The following EPB41L2 variants were observed in gnomAD, a reference collection of about 807,000 sequenced individuals.
The protein encoded by EPB41L2 is erythrocyte membrane protein band 4.1 like 2, also known as band 4.1-like protein 2.
In EPB41L2, 43 loss-of-function variants were observed where a neutral mutation model predicts 113.0. The observed-to-expected ratio is 0.38, with a 90% CI of 0.30 to 0.49. The LOEUF (loss-of-function observed/expected upper bound fraction) is 0.49, where lower values mean the gene tolerates loss of function less well. Ranked by LOEUF, EPB41L2 falls within the 20% of genes least tolerant of loss-of-function variation. The pLI, the probability that EPB41L2 is intolerant of heterozygous loss-of-function variation, is 0.95. For missense variants in EPB41L2, 1,147 were observed against 1,223.4 expected, an observed-to-expected ratio of 0.94 and a Z score of 0.93; for synonymous variants, 442 against 436.7, an observed-to-expected ratio of 1.01 and a Z score of -0.15.
At chr6:130,932,833 A>G (rs7766004) in intron 3 of EPB41L2, among the ~76,000 whole-genome samples, 115,521 of 152,198 alleles carry the variant, frequency 0.76, 44,205 homozygotes, top group East Asian at 1. Flanking sequence ...CCATAAGGCC[A>G]GTCAAAAAGT....
At chr6:131,035,178 G>T (rs1793040034) in intron 1 of EPB41L2, among the ~76,000 whole-genome samples, 2 of 152,182 alleles carry the variant, frequency 1.3e-5, no homozygotes, top group African/African-American at 2.4e-5. Context: ...CTCTTGTTGT[G>T]AGACAGTTTC....
chr6:130,879,923 T>C (rs1452587978), intron 13 of EPB41L2, among the ~76,000 whole-genome samples: 1 of 152,216 alleles, frequency 6.6e-6, no homozygotes. Flanking sequence ...TAAACTTTTT[T>C]TTCCCACTTG....
chr6:130,926,997 A>G (rs192036405), intron 3 of EPB41L2, among the ~76,000 whole-genome samples: 6 of 152,290 alleles, frequency 3.9e-5, no homozygotes, highest in African/African-American at 1.4e-4. Context: ...TTAGCTGTTC[A>G]TTTTCTTATT....
At chr6:130,994,968 C>G (rs1405157128) in intron 1 of EPB41L2, among the ~76,000 whole-genome samples, 3 of 149,402 alleles carry the variant, frequency 2.0e-5, no homozygotes, top group African/African-American at 7.7e-5. Context: ...TCAAGTTGTC[C>G]CACCCCACCT....
chr6:131,029,897 TTTTTTC>T (rs1274469626), intron 1 of EPB41L2, among the ~76,000 whole-genome samples: 6 of 151,786 alleles, frequency 4.0e-5, no homozygotes, highest in African/African-American at 1.5e-4. Flanking sequence ...ATTTTTCTCT[TTTTTTC>T]TTTTTTTTTT....
intron 10 of EPB41L2, among the ~76,000 whole-genome samples, chr6:130,890,971 G>A (rs561640062): frequency 4.2e-4 from 64 of 152,262 alleles, no homozygotes; most frequent in African/African-American, 1.4e-3. Context: ...CTTCTTGCCA[G>A]CACAATTCTA....
chr6:130,898,882 G>C (rs890050514), intron 8 of EPB41L2, among the ~76,000 whole-genome samples: 4 of 151,814 alleles, frequency 2.6e-5, no homozygotes, highest in African/African-American at 9.7e-5. Flanking sequence ...TTGGGATTAC[G>C]GTGTTCAGGA....
At chr6:131,015,518 G>A (rs1434446091) in intron 1 of EPB41L2, among the ~76,000 whole-genome samples, 2 of 152,192 alleles carry the variant, frequency 1.3e-5, no homozygotes, top group African/African-American at 4.8e-5. Flanking sequence ...CTGGCCCACA[G>A]TAGAAAACTT....
chr6:130,959,830 T>C (rs773234901), intron 1 of EPB41L2, among the ~76,000 whole-genome samples: 1 of 152,190 alleles, frequency 6.6e-6, no homozygotes, highest in Non-Finnish European at 1.5e-5. Flanking sequence ...AAATGCCCCA[T>C]ACTTGTCTAA....
chr6:130,877,829 A>G (rs1471776292), intron 14 of EPB41L2, among the ~76,000 whole-genome samples: 1 of 85,362 alleles, frequency 1.2e-5, no homozygotes, highest in African/African-American at 4.6e-5. Context: ...ATTGTCCTAT[A>G]TAACAATTCA....
At chr6:130,933,626 A>C (rs1010829072) in intron 3 of EPB41L2, among the ~76,000 whole-genome samples, 17 of 152,206 alleles carry the variant, frequency 1.1e-4, no homozygotes, top group African/African-American at 3.6e-4. Flanking sequence ...CTCAAAATAC[A>C]TTATTCAAAA....
At chr6:131,039,080 A>G (rs901393150) in intron 1 of EPB41L2, among the ~76,000 whole-genome samples, 2 of 152,214 alleles carry the variant, frequency 1.3e-5, no homozygotes, top group African/African-American at 2.4e-5. Flanking sequence ...ATTCAGTTAT[A>G]CATTTAAACT....
chr6:130,899,610 T>C lies in EPB41L2; in HGVS notation c.1149-32A>G, dbSNP rs781395836. ...ATCAAAAGAAACAGTATTATCTTATTAATGGATGCAGAGCAAATGTAGTCA... is the reference window on the plus strand; with the variant it reads ...ATCAAAAGAAACAGTATTATCTTATCAATGGATGCAGAGCAAATGTAGTCA... On this transcript the variant is annotated intron_variant, in intron 7 of 19. Coordinates refer to ENST00000337057, the MANE Select transcript of EPB41L2 (RefSeq NM_001431.4). 1.5e-5 allele frequency: 24 copies of C among 1,582,418 alleles called. No homozygotes were observed. In the South Asian group the frequency reaches 2.4e-4, roughly 16 times the overall value.
At chr6:130,954,754 G>A (rs1816826418) in intron 3 of EPB41L2, among the ~76,000 whole-genome samples, 1 of 152,168 alleles carries the variant, frequency 6.6e-6, no homozygotes, top group African/African-American at 2.4e-5. Flanking sequence ...AACACTTGGG[G>A]CTAAGTTTAC....
chr6:130,966,938 A>G lies in EPB41L2; in HGVS notation c.-14-10439T>C, dbSNP rs146348202. On this transcript the variant is annotated intron_variant, in intron 1 of 19. Coordinates refer to ENST00000337057, the MANE Select transcript of EPB41L2 (RefSeq NM_001431.4). ...TGTTTCTATATCCTCAAAGAATCTG[A>G]TTTCTGCCAGCCTTCACTTCAGTAT... Among the ~76,000 whole-genome samples, 1,002 of 152,224 alleles carry G rather than the reference A, an allele frequency of 6.6e-3. 19 individuals carry two copies. Among genetic ancestry groups the G allele is most frequent in the African/African-American group, 0.023 (966 of 41,510 alleles).
At position 130,885,273 on chromosome 6, in the gene EPB41L2, T is replaced by C. The variant is rs552730919; in HGVS notation, c.1661-5A>G. ...GGTCCATGACACCAATCGGAGCTAGTAAAGAGTGACAATTTTGGATTATTT... is the reference window on the plus strand; with the variant it reads ...GGTCCATGACACCAATCGGAGCTAGCAAAGAGTGACAATTTTGGATTATTT... On this transcript the variant is annotated splice_polypyrimidine_tract_variant and splice_region_variant and intron_variant, in intron 11 of 19. Coordinates refer to ENST00000337057, the MANE Select transcript of EPB41L2 (RefSeq NM_001431.4). 26 of 1,613,994 alleles carry C rather than the reference T, an allele frequency of 1.6e-5. No homozygotes were observed. The South Asian group carries it at 2.5e-4, about 16-fold the overall frequency.
At chr6:130,902,464 C>T (rs770508467) in intron 6 of EPB41L2, among the ~76,000 whole-genome samples, 18 of 152,270 alleles carry the variant, frequency 1.2e-4, no homozygotes, top group South Asian at 1.0e-3. Context: ...GACAAGTGCT[C>T]GGTAATTGAG....
intron 4 of EPB41L2, among the ~76,000 whole-genome samples, chr6:130,913,368 G>A (rs372173258): frequency 5.9e-5 from 9 of 152,130 alleles, no homozygotes; most frequent in South Asian, 2.1e-4. Flanking sequence ...CTTCCTCACC[G>A]CGTTTTCCCT....
intron 1 of EPB41L2, among the ~76,000 whole-genome samples, chr6:131,003,092 T>A (rs1408751383): frequency 6.6e-6 from 1 of 152,142 alleles, no homozygotes; most frequent in Non-Finnish European, 1.5e-5. Flanking sequence ...CAGGAGGGAT[T>A]AGTTATCTCT....
Sources: allele counts gnomAD v4.1 joint callset (sites outside exome capture counted in the v4.1 genomes callset), GRCh38; gene constraint gnomAD v4.1.1; transcripts MANE v1.5; gene names NCBI Gene and HGNC (gene_info 2026-07-23, HGNC 2026-07-21).